Variants in GPC5 observed in about 807,000 individuals in gnomAD.
The protein encoded by GPC5 is glypican-5.
In GPC5, 47 loss-of-function variants were observed where a neutral mutation model predicts 53.9. The ratio of observed to expected loss-of-function variants is 0.87; its 90% confidence interval spans 0.69 to 1.11. The LOEUF (loss-of-function observed/expected upper bound fraction) is 1.11. Ranked by LOEUF, GPC5 falls within the 50% of genes most tolerant of loss-of-function variation. GPC5 has a pLI of 0.00. For synonymous variants in GPC5, 286 were observed against 263.3 expected (o/e 1.09, Z -0.84); for missense variants, 748 against 713.1 (o/e 1.05, Z -0.56).
intron 1 of GPC5, among the ~76,000 whole-genome samples, chr13:91,409,623 C>T (rs1024475496): frequency 2.0e-5 from 3 of 152,160 alleles, no homozygotes; most frequent in African/African-American, 4.8e-5. Flanking sequence ...TTATTTGTTG[C>T]GTATTATGAT....
intron 2 of GPC5, among the ~76,000 whole-genome samples, chr13:91,452,223 A>T (rs1002256405): frequency 5.3e-5 from 8 of 152,034 alleles, no homozygotes; most frequent in African/African-American, 1.9e-4. Flanking sequence ...AGCTCAACTC[A>T]TCCACCTACT....
At chr13:91,661,334 G>A (rs1594394793) in intron 2 of GPC5, among the ~76,000 whole-genome samples, 2 of 152,270 alleles carry the variant, frequency 1.3e-5, no homozygotes, top group Admixed American at 1.3e-4. Flanking sequence ...CCAGATGTTC[G>A]ATACCTGGTA....
Position 91,752,406 on chromosome 13 carries a change from C to T in GPC5, c.1155-3889C>T, listed in dbSNP as rs145405898. On this transcript the variant is annotated intron_variant, in intron 4 of 7. Coordinates refer to ENST00000377067, the MANE Select transcript of GPC5 (RefSeq NM_004466.6). Reference sequence around the variant, plus strand: ...GGCCCCTGATTATTTCTTTAAAGGCCCTGTCTCCAAACACAGTTAGGATTT... The same window carrying T: ...GGCCCCTGATTATTTCTTTAAAGGCTCTGTCTCCAAACACAGTTAGGATTT... Among the ~76,000 whole-genome samples the T allele has an allele frequency of 3.8e-3, 577 of 152,158 alleles. 3 individuals carry two copies. The highest frequency in any genetic ancestry group is 5.4e-3 in the Admixed American group (83 of 15,286).
intron 7 of GPC5, among the ~76,000 whole-genome samples, chr13:92,182,824 G>T (rs1593970523): frequency 6.6e-6 from 1 of 151,610 alleles, no homozygotes; most frequent in Non-Finnish European, 1.5e-5. Context: ...AGCCGAGATC[G>T]TGCCACTGCA....
intron 6 of GPC5, among the ~76,000 whole-genome samples, chr13:92,062,845 A>G (rs969539426): frequency 1.3e-5 from 2 of 152,054 alleles, no homozygotes; most frequent in African/African-American, 4.8e-5. Context: ...TATGCAGTGT[A>G]ACATTCAGCA....
chr13:92,505,259 A>T lies in GPC5; in HGVS notation c.1561+360270A>T, dbSNP rs115906232. Reference sequence around the variant, plus strand: ...GAGCTGTATTCAGAATATATAAAGAAATCTCAAAATGTAGCAGTAAGAATC... The same window carrying T: ...GAGCTGTATTCAGAATATATAAAGATATCTCAAAATGTAGCAGTAAGAATC... On this transcript the variant is annotated intron_variant, in intron 7 of 7. Coordinates refer to ENST00000377067, the MANE Select transcript of GPC5 (RefSeq NM_004466.6). Among the ~76,000 whole-genome samples the T allele has an allele frequency of 3.6e-3, 543 of 152,098 alleles. 1 individual carries two copies. The highest frequency in any genetic ancestry group is 0.012 in the African/African-American group (507 of 41,536).
chr13:91,870,288 T>C (rs2039130058), intron 5 of GPC5, among the ~76,000 whole-genome samples: 1 of 151,886 alleles, frequency 6.6e-6, no homozygotes, highest in East Asian at 1.9e-4. Context: ...AGAAAAGGAG[T>C]AGATAAAATT....
chr13:91,665,986 A>G (rs2035102915), intron 2 of GPC5, among the ~76,000 whole-genome samples: 1 of 152,180 alleles, frequency 6.6e-6, no homozygotes. Flanking sequence ...TCTCTTTACC[A>G]TCTCAGATCT....
intron 7 of GPC5, among the ~76,000 whole-genome samples, chr13:92,532,295 T>C (rs2138989151): frequency 6.6e-6 from 1 of 152,260 alleles, no homozygotes; most frequent in African/African-American, 2.4e-5. Context: ...ATTCAATATA[T>C]ATATTATATA....
intron 6 of GPC5, among the ~76,000 whole-genome samples, chr13:91,921,336 A>G (rs902661621): frequency 3.9e-5 from 6 of 152,320 alleles, no homozygotes; most frequent in Non-Finnish European, 7.4e-5. Context: ...CATTGAATAC[A>G]TAAGAATGGG....
chr13:92,699,215 A>G (rs1290412413), intron 7 of GPC5, among the ~76,000 whole-genome samples: 4 of 152,174 alleles, frequency 2.6e-5, no homozygotes, highest in Non-Finnish European at 5.9e-5. Context: ...TTATTTGCAT[A>G]GAAGTGTTTA....
chr13:92,690,745 G>A (rs1887358207), intron 7 of GPC5, among the ~76,000 whole-genome samples: 1 of 102,478 alleles, frequency 9.8e-6, no homozygotes, highest in African/African-American at 3.9e-5. Flanking sequence ...ATGGGTTTTT[G>A]GTGTAGATGT....
At chr13:92,375,516 G>A (rs558870839) in intron 7 of GPC5, among the ~76,000 whole-genome samples, 16 of 152,262 alleles carry the variant, frequency 1.1e-4, no homozygotes, top group Middle Eastern at 3.4e-3. Flanking sequence ...AAATCCATCC[G>A]AAGGTGTTCA....
At chr13:92,367,865 G>A (rs570109462) in intron 7 of GPC5, among the ~76,000 whole-genome samples, 5 of 152,248 alleles carry the variant, frequency 3.3e-5, no homozygotes, top group Admixed American at 6.5e-5. Context: ...AAATGAGGAC[G>A]GTGCAGGTGG....
At chr13:91,794,284 A>T (rs1215808925) in intron 5 of GPC5, among the ~76,000 whole-genome samples, 1 of 152,162 alleles carries the variant, frequency 6.6e-6, no homozygotes, top group African/African-American at 2.4e-5. Flanking sequence ...TAGGGTTAGA[A>T]ATTATAAGCC....
chr13:92,527,193 GAAAGAAAGAAAGA>G, intron 7 of GPC5, among the ~76,000 whole-genome samples: 2 of 21,042 alleles, frequency 9.5e-5, no homozygotes, highest in Middle Eastern at 0.031. Context: ...AAGAAAGAAA[GAAAGAAAGAAAGA>G]AAGAAAGAAA....
At chr13:92,180,082 A>AT (rs2042135946) in intron 7 of GPC5, among the ~76,000 whole-genome samples, 1 of 152,130 alleles carries the variant, frequency 6.6e-6, no homozygotes, top group Non-Finnish European at 1.5e-5. Context: ...TCAAATGTTT[A>AT]TTTTTTAGCA....
chr13:92,452,578 C>CA (rs11412345), intron 7 of GPC5, among the ~76,000 whole-genome samples: 53,503 of 150,318 alleles, frequency 0.36, 9,915 homozygotes, highest in African/African-American at 0.39. Flanking sequence ...CCAAAAAAAA[C>CA]AAAAAAAACA....
chr13:92,126,932 T>C (rs1441123474), intron 6 of GPC5, among the ~76,000 whole-genome samples: 2 of 152,098 alleles, frequency 1.3e-5, no homozygotes, highest in Non-Finnish European at 2.9e-5. Context: ...TGGCTCTGAA[T>C]TGACAGTTTC....
Sources: allele counts gnomAD v4.1 joint callset (sites outside exome capture counted in the v4.1 genomes callset), GRCh38; gene constraint gnomAD v4.1.1; transcripts MANE v1.5; gene names NCBI Gene and HGNC (gene_info 2026-07-23, HGNC 2026-07-21).